The following KDM4C variants were observed in gnomAD, a reference collection of about 807,000 sequenced individuals.
The protein encoded by KDM4C is lysine-specific demethylase 4C.
Under a neutral mutation model 129.3 loss-of-function variants are expected in KDM4C, and 81 were observed. The observed-to-expected ratio is 0.63, with a 90% CI of 0.52 to 0.75. The LOEUF (loss-of-function observed/expected upper bound fraction) is 0.75, where lower values mean the gene tolerates loss of function less well. KDM4C is among the 30% of genes least tolerant of loss of function. KDM4C has a pLI of 0.00. For synonymous variants in KDM4C, 573 were observed against 456.1 expected (o/e 1.26, Z -3.26); for missense variants, 1,457 against 1,304.0 (o/e 1.12, Z -1.81).
At chr9:7,130,696 A>G (rs182032225) in intron 19 of KDM4C, among the ~76,000 whole-genome samples, 14 of 152,328 alleles carry the variant, frequency 9.2e-5, no homozygotes, top group African/African-American at 3.4e-4. Context: ...ATGGAGTGGC[A>G]TGAATTCACA....
chr9:6,733,748 A>G (rs967368262), intron 1 of KDM4C, among the ~76,000 whole-genome samples: 1 of 152,236 alleles, frequency 6.6e-6, no homozygotes, highest in African/African-American at 2.4e-5. Context: ...TTCCATAGAC[A>G]GAGCAGCCCC....
intron 4 of KDM4C, among the ~76,000 whole-genome samples, chr9:6,832,475 G>T (rs1359366770): frequency 1.4e-5 from 2 of 141,110 alleles, no homozygotes; most frequent in Admixed American, 7.1e-5. Flanking sequence ...ACCCAGGCTG[G>T]AGTGCAGTGG....
chr9:7,004,067 C>G (rs1821222941), intron 12 of KDM4C, among the ~76,000 whole-genome samples: 1 of 152,142 alleles, frequency 6.6e-6, no homozygotes, highest in Non-Finnish European at 1.5e-5. Context: ...TGGAGCATCA[C>G]CCCAAGCAGC....
At chr9:6,956,637 T>A (rs1221088236) in intron 8 of KDM4C, among the ~76,000 whole-genome samples, 1 of 152,216 alleles carries the variant, frequency 6.6e-6, no homozygotes, top group Non-Finnish European at 1.5e-5. Flanking sequence ...AATGGCTGAC[T>A]TGAGTGGTTG....
intron 2 of KDM4C, among the ~76,000 whole-genome samples, chr9:6,799,538 A>G (rs865881568): frequency 5.2e-5 from 7 of 133,906 alleles, no homozygotes; most frequent in Admixed American, 1.5e-4. Context: ...TCGGCTTGGC[A>G]TGAGAGGGAG....
At chr9:7,033,699 G>A (rs1018968728) in intron 15 of KDM4C, among the ~76,000 whole-genome samples, 1 of 152,184 alleles carries the variant, frequency 6.6e-6, no homozygotes, top group Non-Finnish European at 1.5e-5. Flanking sequence ...AAGAAGTTTA[G>A]ATAGCTTACT....
chr9:7,122,171 A>G (rs967534540), intron 18 of KDM4C, among the ~76,000 whole-genome samples: 2 of 151,986 alleles, frequency 1.3e-5, no homozygotes, highest in African/African-American at 2.4e-5. Context: ...CAATCATGGC[A>G]GAAGGCAAAG....
intron 15 of KDM4C, 61 bp from the exon 16 acceptor site, chr9:7,046,801 A>G (rs1264263212): frequency 9.4e-7 from 1 of 1,068,642 alleles, no homozygotes; most frequent in Non-Finnish European, 1.5e-6. Context: ...TATTTAGATG[A>G]ATGGTAATGA....
intron 8 of KDM4C, among the ~76,000 whole-genome samples, chr9:6,910,024 A>G (rs1372517486): frequency 1.3e-5 from 2 of 152,224 alleles, no homozygotes; most frequent in African/African-American, 2.4e-5. Flanking sequence ...GTCACTTAAT[A>G]GCAAGTTCGT....
intron 4 of KDM4C, among the ~76,000 whole-genome samples, chr9:6,846,013 C>T (rs1837793897): frequency 6.6e-6 from 1 of 152,200 alleles, no homozygotes; most frequent in African/African-American, 2.4e-5. Context: ...TCATTCCTGT[C>T]ACCTGCTCTC....
chr9:7,094,818 G>T (rs1836232415), intron 17 of KDM4C, among the ~76,000 whole-genome samples: 1 of 152,138 alleles, frequency 6.6e-6, no homozygotes, highest in Non-Finnish European at 1.5e-5. Context: ...CCTCAATGTG[G>T]GCTGCTGCTA....
intron 8 of KDM4C, among the ~76,000 whole-genome samples, chr9:6,945,151 C>CA (rs1826729357): frequency 1.3e-5 from 2 of 152,152 alleles, no homozygotes; most frequent in Admixed American, 1.3e-4. Flanking sequence ...CACACATACT[C>CA]ACGAAAATGC....
rs771667763 is a variant in KDM4C, at chr9:6,984,395, A to C, written c.1345A>C (p.Lys449Gln). ...QVEQNLSDHI[K>Q]LSGNSCLSTS... ...GGAGCAGAATTTATCAGATCATATC[A>C]AACTCTCAGGTGAGAAGATGGTTGA... Residue 449 changes from lysine (K) to glutamine (Q), a missense_variant, in exon 10 of 22, where the codon AAA (lysine) becomes CAA (glutamine). By Grantham distance (53) the Lys-to-Gln change is moderately conservative (BLOSUM62 1). Coordinates refer to ENST00000381309, the MANE Select transcript of KDM4C (RefSeq NM_015061.6). 5 of 1,607,714 alleles carry C rather than the reference A, an allele frequency of 3.1e-6. No homozygotes were observed. Among genetic ancestry groups the C allele is most frequent in the Non-Finnish European group, 4.3e-6 (5 of 1,174,590 alleles).
intron 12 of KDM4C, among the ~76,000 whole-genome samples, chr9:6,997,477 C>A (rs762565253): frequency 1.3e-5 from 2 of 152,184 alleles, no homozygotes; most frequent in Non-Finnish European, 2.9e-5. Flanking sequence ...GAAAGTTATT[C>A]TAAGAATTCC....
At chr9:6,862,988 T>C (rs1841239732) in intron 5 of KDM4C, among the ~76,000 whole-genome samples, 1 of 152,212 alleles carries the variant, frequency 6.6e-6, no homozygotes. Context: ...TTATCATTTA[T>C]TTATTTGTTT....
chr9:6,925,625 T>G, intron 8 of KDM4C: 3 of 985,424 alleles, frequency 3.0e-6, no homozygotes, highest in Non-Finnish European at 3.6e-6. Flanking sequence ...CTTGGCTTGT[T>G]TACCATCAGC....
intron 1 of KDM4C, among the ~76,000 whole-genome samples, chr9:6,731,523 C>A (rs145198908): frequency 6.6e-6 from 1 of 151,682 alleles, no homozygotes; most frequent in Non-Finnish European, 1.5e-5. Context: ...TTAGTAGAGA[C>A]GGGGTTTCTC....
chr9:6,805,090 G>A (rs1829720005), intron 2 of KDM4C, among the ~76,000 whole-genome samples: 1 of 152,036 alleles, frequency 6.6e-6, no homozygotes, highest in African/African-American at 2.4e-5. Context: ...TAGTAGAGGC[G>A]GGGTTTCACC....
intron 17 of KDM4C, among the ~76,000 whole-genome samples, chr9:7,049,656 AG>A (rs1170666705): frequency 6.6e-6 from 1 of 152,090 alleles, no homozygotes; most frequent in Non-Finnish European, 1.5e-5. Flanking sequence ...ATTTTTACGA[AG>A]ATATTTTCTC....
Sources: gnomAD v4.1 joint callset for allele counts (sites outside exome capture counted in the v4.1 genomes callset) on GRCh38, gnomAD v4.1.1 for gene constraint, MANE v1.5 for transcripts, NCBI Gene and HGNC (gene_info 2026-07-23, HGNC 2026-07-21) for gene names.